The following SLC25A37 variants were observed in gnomAD, a reference collection of about 807,000 sequenced individuals.
SLC25A37 encodes solute carrier family 25 member 37.
Under a neutral mutation model 31.0 loss-of-function variants are expected in SLC25A37, and 17 were observed. That is an observed-to-expected ratio of 0.55 (90% CI 0.38 to 0.82). The LOEUF (loss-of-function observed/expected upper bound fraction) is 0.82. Among genes scored for constraint, SLC25A37 ranks in the 40% least tolerant of loss-of-function variants. The pLI, the probability that SLC25A37 is intolerant of heterozygous loss-of-function variation, is 0.00. For synonymous variants in SLC25A37, 222 were observed against 193.0 expected (o/e 1.15, Z -1.24); for missense variants, 404 against 465.8 (o/e 0.87, Z 1.22).
chr8:23,554,723 G>A (rs2117428397), intron 1 of SLC25A37, among the ~76,000 whole-genome samples: 1 of 152,334 alleles, frequency 6.6e-6, no homozygotes, highest in Non-Finnish European at 1.5e-5. Context: ...GCTGCTGCCA[G>A]TGGGCGGAGA....
chr8:23,566,644 C>T, intron 2 of SLC25A37: 1 of 1,088,084 alleles, frequency 9.2e-7, no homozygotes, highest in African/African-American at 1.7e-5. Context: ...TGTTTTTAAA[C>T]ATTCAAAAGC....
intron 1 of SLC25A37, among the ~76,000 whole-genome samples, chr8:23,557,473 G>C (rs1041386278): frequency 6.6e-6 from 1 of 152,192 alleles, no homozygotes; most frequent in Admixed American, 6.5e-5. Context: ...ATAAAGCGTG[G>C]TGCCAAATGC....
At chr8:23,535,867 G>A (rs971436444) in intron 1 of SLC25A37, among the ~76,000 whole-genome samples, 1 of 152,070 alleles carries the variant, frequency 6.6e-6, no homozygotes, top group South Asian at 2.1e-4. Context: ...AACAGTGTGG[G>A]GGAAACTGCC....
chr8:23,541,693 A>G (rs7814345), intron 1 of SLC25A37: 57,048 of 152,212 alleles, frequency 0.37, 12,386 homozygotes, highest in East Asian at 0.62. Context: ...CGTCCTTGAT[A>G]CGCAGTGCTC....
At position 23,568,392 on chromosome 8, in the gene SLC25A37, G is replaced by A; in HGVS notation, c.496+14G>A. ...ATCCAGCAGAAGGTAATGTTTCATG[G>A]TCCCAGGGAGGGGCAGTAGGGGATG... On this transcript the variant is annotated intron_variant, in intron 3 of 3. Transcript: ENST00000519973. The A allele has an allele frequency of 6.2e-7, 1 of 1,613,892 alleles. No individual in the cohort carries two copies. The highest frequency in any genetic ancestry group is 1.3e-5 in the African/African-American group (1 of 75,010).
At chr8:23,553,134 G>A (rs113927170) in intron 1 of SLC25A37, among the ~76,000 whole-genome samples, 1,625 of 152,290 alleles carry the variant, frequency 0.011, 34 homozygotes, top group African/African-American at 0.035. Context: ...AAGGAAAACA[G>A]TTTTGGCTGG....
rs374272813 is a variant in SLC25A37 at position 23,573,879 on chromosome 8, C to A, written c.*2024C>A. 3 of 456,552 alleles carry A rather than the reference C, an allele frequency of 6.6e-6. No homozygotes were observed. The highest frequency in any genetic ancestry group is 1.3e-5 in the Non-Finnish European group (3 of 226,942). The allele number at this position is 456,552 out of a possible 1,614,324, so 28.3% of individuals were successfully genotyped here. ...CAACCCACATGGGGATGTAGAAAGC[C>A]GTAAAGTCCACGCTACTGTTGAAAA... On this transcript the variant is annotated 3_prime_UTR_variant, in exon 4 of 4. Coordinates refer to ENST00000519973, the MANE Select transcript of SLC25A37 (RefSeq NM_016612.4).
At chr8:23,537,886 A>G (rs1182336140) in intron 1 of SLC25A37, among the ~76,000 whole-genome samples, 1 of 152,006 alleles carries the variant, frequency 6.6e-6, no homozygotes, top group African/African-American at 2.4e-5. Flanking sequence ...CCACCTGATA[A>G]TCCCTCAGCA....
chr8:23,551,863 T>G (rs1480706429), intron 1 of SLC25A37, among the ~76,000 whole-genome samples: 1 of 152,034 alleles, frequency 6.6e-6, no homozygotes, highest in African/African-American at 2.4e-5. Context: ...CTGAAAGGTG[T>G]GTTGGGGGGT....
intron 1 of SLC25A37, among the ~76,000 whole-genome samples, chr8:23,536,335 C>G (rs1408704588): frequency 1.3e-5 from 2 of 152,166 alleles, no homozygotes; most frequent in East Asian, 3.8e-4. Flanking sequence ...ACACTGGTCT[C>G]TACTTCCTCA....
chr8:23,558,857 G>A (rs559289190), intron 1 of SLC25A37, among the ~76,000 whole-genome samples: 10 of 152,116 alleles, frequency 6.6e-5, no homozygotes, highest in African/African-American at 2.2e-4. Context: ...TAGGCAGCAC[G>A]TGAGGGCTCC....
chr8:23,550,854 C>G (rs4872152), intron 1 of SLC25A37, among the ~76,000 whole-genome samples: 55,974 of 152,106 alleles, frequency 0.37, 11,739 homozygotes, highest in East Asian at 0.61. Context: ...CACGGGCTGG[C>G]GGGAGCCCAG....
At position 23,566,161 on chromosome 8, in the gene SLC25A37, C is replaced by T. The variant is rs375545216; in HGVS notation, c.264C>T (p.Tyr88=). 60 of 1,604,952 alleles carry T rather than the reference C, an allele frequency of 3.7e-5. No homozygotes were observed. The highest frequency in any genetic ancestry group is 4.8e-5 in the Non-Finnish European group (56 of 1,177,096). Residue 88 remains tyrosine (Y), a synonymous_variant, in exon 2 of 4, where the codon TAC becomes TAT. Coordinates refer to ENST00000519973, the MANE Select transcript of SLC25A37 (RefSeq NM_016612.4). ...PDPKAQYTSI[Y]GALKKIMRTE... The stretch of plus-strand genomic sequence containing the variant: ...CCAAAGCCCAGTACACAAGTATCTA[C>T]GGAGCCCTCAAGAAAATCATGCGGA...
At chr8:23,539,069 G>A (rs775229413) in intron 1 of SLC25A37, among the ~76,000 whole-genome samples, 36 of 152,120 alleles carry the variant, frequency 2.4e-4, no homozygotes, top group African/African-American at 6.5e-4. Context: ...CACCCTCCTC[G>A]TAACCCCAGA....
intron 1 of SLC25A37, among the ~76,000 whole-genome samples, chr8:23,535,110 T>G (rs1212151385): frequency 6.6e-6 from 1 of 152,224 alleles, no homozygotes; most frequent in Non-Finnish European, 1.5e-5. Context: ...ACCCCAAGAT[T>G]GACTGCTGCA....
intron 1 of SLC25A37, among the ~76,000 whole-genome samples, chr8:23,538,930 C>G (rs905547838): frequency 6.6e-6 from 1 of 152,094 alleles, no homozygotes; most frequent in African/African-American, 2.4e-5. Flanking sequence ...GGAATTTGTT[C>G]TTTCTCCTGC....
intron 1 of SLC25A37, among the ~76,000 whole-genome samples, chr8:23,537,508 C>T (rs1323894313): frequency 4.6e-5 from 7 of 152,202 alleles, no homozygotes; most frequent in African/African-American, 1.4e-4. Flanking sequence ...TCATTCTGCA[C>T]GTCAGCCATG....
intron 1 of SLC25A37, among the ~76,000 whole-genome samples, chr8:23,555,329 C>T (rs927289855): frequency 2.6e-5 from 4 of 152,158 alleles, no homozygotes; most frequent in African/African-American, 9.7e-5. Context: ...GCTTGACATA[C>T]TCTTCCTTTT....
chr8:23,530,276 T>G (rs1801638025), intron 1 of SLC25A37, among the ~76,000 whole-genome samples: 1 of 152,210 alleles, frequency 6.6e-6, no homozygotes, highest in African/African-American at 2.4e-5. Context: ...TGGCTGCAGC[T>G]GCAGTGTGCT....
Sources: gnomAD v4.1 joint callset for allele counts (sites outside exome capture counted in the v4.1 genomes callset) on GRCh38, gnomAD v4.1.1 for gene constraint, MANE v1.5 for transcripts, NCBI Gene and HGNC (gene_info 2026-07-23, HGNC 2026-07-21) for gene names.